Variants in PCDHGA7 observed in about 807,000 individuals in gnomAD.
PCDHGA7 encodes protocadherin gamma-A7.
In PCDHGA7, 44 loss-of-function variants were observed where a neutral mutation model predicts 58.3. That is an observed-to-expected ratio of 0.75 (90% CI 0.59 to 0.97). PCDHGA7 has a LOEUF of 0.97. PCDHGA7 is among the 50% of genes least tolerant of loss of function. PCDHGA7 has a pLI of 0.00. For synonymous variants in PCDHGA7, 516 were observed against 504.2 expected (o/e 1.02, Z -0.31); for missense variants, 1,266 against 1,188.7 (o/e 1.06, Z -0.96).
At chr5:141,435,805 T>C (rs2097780946) in intron 1 of PCDHGA7, among the ~76,000 whole-genome samples, 1 of 152,178 alleles carries the variant, frequency 6.6e-6, no homozygotes, top group African/African-American at 2.4e-5. Flanking sequence ...GTCCCAATTA[T>C]TTTTTCTTTC....
At chr5:141,392,238 A>G (rs1412628236) in intron 1 of PCDHGA7, 1 of 152,214 alleles carries the variant, frequency 6.6e-6, no homozygotes, top group Admixed American at 6.5e-5. Context: ...GTTCTTAGTT[A>G]TTTGTTAGTA....
At chr5:141,389,036 G>A in intron 1 of PCDHGA7, 1 of 1,613,928 alleles carries the variant, frequency 6.2e-7, no homozygotes, top group Non-Finnish European at 8.5e-7. Flanking sequence ...CTTGTAAATT[G>A]GAAGGTGATG....
At chr5:141,423,567 C>T (rs771827702) in intron 1 of PCDHGA7, 4 of 1,613,602 alleles carry the variant, frequency 2.5e-6, no homozygotes, top group Admixed American at 1.7e-5. Flanking sequence ...GGGACACGCT[C>T]ATCAGCCAGG....
intron 1 of PCDHGA7, chr5:141,404,311 T>G (rs746092761): frequency 1.9e-6 from 3 of 1,613,924 alleles, no homozygotes. Flanking sequence ...CTGCTTTCTC[T>G]CAAGCCTCCT....
rs769074023 is a variant in PCDHGA7 at position 141,491,738 on chromosome 5, G to T, written c.2425-3069G>T. On this transcript the variant is annotated intron_variant, in intron 1 of 3. Transcript: ENST00000518325. The surrounding 1 kb of genome is among the most constrained non-coding windows in gnomAD (Gnocchi z 6.9). The stretch of plus-strand genomic sequence containing the variant: ...GCGCCGCCCCGGGCGACCCCTGGGG[G>T]CGGCACTGGAGAAGCCGCCCGTCCT... 38 of 1,600,228 alleles carry T rather than the reference G, an allele frequency of 2.4e-5. No homozygotes were observed. The highest frequency in any genetic ancestry group is 3.1e-5 in the Non-Finnish European group (36 of 1,174,204).
chr5:141,385,640 A>C (rs917789862), intron 1 of PCDHGA7: 1 of 803,664 alleles, frequency 1.2e-6, no homozygotes, highest in Admixed American at 4.6e-5. Context: ...CGAGTCTTTC[A>C]TATTGCACAA....
At chr5:141,420,052 C>T (rs535784301) in intron 1 of PCDHGA7, 1 of 1,614,070 alleles carries the variant, frequency 6.2e-7, no homozygotes, top group South Asian at 1.1e-5. Flanking sequence ...AGTCAGTTCT[C>T]TGCTCCAAGT....
intron 1 of PCDHGA7, chr5:141,399,144 T>G: frequency 6.2e-7 from 1 of 1,613,728 alleles, no homozygotes. Flanking sequence ...AAAATGACAA[T>G]AGCCCAGAAG....
intron 1 of PCDHGA7, chr5:141,492,036 T>A: frequency 1.9e-6 from 1 of 536,866 alleles, no homozygotes; most frequent in Non-Finnish European, 3.2e-6. Flanking sequence ...GAGGAGGCAG[T>A]CACAGATCCA....
intron 1 of PCDHGA7, chr5:141,411,909 A>T (rs1176626028): frequency 6.6e-6 from 1 of 152,204 alleles, no homozygotes; most frequent in Non-Finnish European, 1.5e-5. Flanking sequence ...TTGCCTTTGC[A>T]CTCAGTCTCT....
chr5:141,489,459 C>T lies in PCDHGA7; in HGVS notation c.2425-5348C>T. The T allele has an allele frequency of 6.2e-7, 1 of 1,614,086 alleles. No homozygotes were observed. The highest frequency in any genetic ancestry group is 8.5e-7 in the Non-Finnish European group (1 of 1,180,012). On this transcript the variant is annotated intron_variant, in intron 1 of 3. Coordinates refer to ENST00000518325, the MANE Select transcript of PCDHGA7 (RefSeq NM_018920.4). The surrounding 1 kb of genome is among the most constrained non-coding windows in gnomAD (Gnocchi z 4.5). The stretch of plus-strand genomic sequence containing the variant: ...AATTGGGCTCTGAGGAGAATGGGCG[C>T]TATTTTTCCCTGAGCTTGATGAGTG...
At position 141,431,754 on chromosome 5, in the gene PCDHGA7, A is replaced by C; in HGVS notation, c.2424+46431A>C. ...AATGCAGGATATTCTGCGCGAGCCA[A>C]AGTCCTGATCACTGTTCTGGACGTG... On this transcript the variant is annotated intron_variant, in intron 1 of 3. Transcript: ENST00000518325. The surrounding 1 kb of genome is among the most constrained non-coding windows in gnomAD (Gnocchi z 4.8). The C allele has an allele frequency of 6.2e-7, 1 of 1,614,208 alleles. No individual in the cohort carries two copies. Among genetic ancestry groups the C allele is most frequent in the Middle Eastern group, 1.6e-4 (1 of 6,062 alleles).
intron 2 of PCDHGA7, among the ~76,000 whole-genome samples, chr5:141,504,288 G>GT (rs1175142876): frequency 6.6e-6 from 1 of 152,124 alleles, no homozygotes; most frequent in African/African-American, 2.4e-5. Context: ...ATCATTTCAT[G>GT]TTTTTTCAAC....
chr5:141,507,851 C>T (rs570052933), intron 3 of PCDHGA7, among the ~76,000 whole-genome samples: 48 of 152,322 alleles, frequency 3.2e-4, no homozygotes, highest in African/African-American at 1.1e-3. Context: ...CCTGCTCTCA[C>T]TTTCACACCC....
At chr5:141,411,161 A>G (rs2095470005) in intron 1 of PCDHGA7, 1 of 152,284 alleles carries the variant, frequency 6.6e-6, no homozygotes, top group Non-Finnish European at 1.5e-5. Context: ...AGTTCTGACT[A>G]TCGAACAGAA....
At chr5:141,495,073 C>T (rs1464039604) in intron 2 of PCDHGA7, among the ~76,000 whole-genome samples, 1 of 152,186 alleles carries the variant, frequency 6.6e-6, no homozygotes, top group Non-Finnish European at 1.5e-5. Flanking sequence ...GCTCAATTCA[C>T]ATGCTTGCCC....
chr5:141,433,389 A>G (rs1157605590), intron 1 of PCDHGA7, among the ~76,000 whole-genome samples: 2 of 151,108 alleles, frequency 1.3e-5, no homozygotes, highest in African/African-American at 2.4e-5. Context: ...CTATCTATCT[A>G]TCTATCTATC....
At chr5:141,427,984 C>A (rs754620535) in intron 1 of PCDHGA7, 6 of 1,597,376 alleles carry the variant, frequency 3.8e-6, no homozygotes, top group Non-Finnish European at 4.3e-6. Flanking sequence ...GCGCTGGGGC[C>A]CGATGGCTCC....
intron 1 of PCDHGA7, chr5:141,429,173 C>CA (rs1561839883): frequency 7.9e-6 from 1 of 125,872 alleles, no homozygotes; most frequent in Non-Finnish European, 1.7e-5. Flanking sequence ...TGTTTATACA[C>CA]ACACACACAC....
Sources: gnomAD v4.1 joint callset for allele counts (sites outside exome capture counted in the v4.1 genomes callset) on GRCh38, gnomAD v4.1.1 for gene constraint, Gnocchi (gnomAD v3.1) non-coding constraint, MANE v1.5 for transcripts, NCBI Gene and HGNC (gene_info 2026-07-23, HGNC 2026-07-21) for gene names.